The following RNF225 variants were observed in gnomAD, a reference collection of about 807,000 sequenced individuals.
RNF225 encodes the protein ring finger protein 225.
For missense variants in RNF225, 510 were observed against 509.8 expected, an observed-to-expected ratio of 1.00 and a Z score of 0.00; for synonymous variants, 295 against 260.4, an observed-to-expected ratio of 1.13 and a Z score of -1.28.
Position 58,397,033 on chromosome 19 carries a change from G to A in RNF225, c.944G>A (p.Trp315Ter). The A allele has an allele frequency of 6.5e-7, 1 of 1,530,978 alleles. No homozygotes were observed. The highest frequency in any genetic ancestry group is 8.7e-7 in the Non-Finnish European group (1 of 1,145,044). 94.8% of individuals were successfully genotyped at this position (1,530,978 alleles called of 1,614,324 possible). A position where few individuals can be genotyped will look rare whatever the true frequency, so the allele number is the denominator to read the frequency against. ...TGGGGCACAGAGGCTGGCCCCGGCT[G>A]GGCCCCGTGGCCACGGGGCGCGAGG... ...GTWGTEAGPG[W>*]APWPRGARRL... Residue 315 changes from tryptophan to a stop codon, truncating the protein, a stop_gained, in exon 1 of 1, where the codon TGG becomes TAG. Transcript: ENST00000601382. LOFTEE classifies it low-confidence loss of function (END_TRUNC).
Position 58,396,356 on chromosome 19 carries a change from C to T in RNF225, c.267C>T (p.Leu89=). 3 of 1,535,410 alleles carry T rather than the reference C, an allele frequency of 2.0e-6. No individual in the cohort carries two copies. The highest frequency in any genetic ancestry group is 2.6e-6 in the Non-Finnish European group (3 of 1,146,668). ...TGGACTGCGGCCACGTCTTCTGTCT[C>T]GAGTGCCTGGCGCGCCTATCGTTGG... ...KRLDCGHVFC[L]ECLARLSLAT... Residue 89 remains leucine, a synonymous_variant, in exon 1 of 1, where the codon CTC becomes CTT. Coordinates refer to ENST00000601382, the MANE Select transcript of RNF225 (RefSeq NM_001195135.2).
rs562404441 is a variant in RNF225, at chr19:58,396,127, G to A, written c.38G>A (p.Arg13Gln). The A allele has an allele frequency of 1.1e-5, 17 of 1,532,098 alleles. 1 individual carries two copies. In the East Asian group the frequency reaches 3.0e-4, roughly 27 times the overall value. The allele number at this position is 1,532,098 out of a possible 1,614,324, so 94.9% of individuals were successfully genotyped here. The change falls in exon 1 of 1, where the codon CGG becomes CAG. Residue 13 changes from arginine to glutamine, a missense_variant. Coordinates refer to ENST00000601382, the MANE Select transcript of RNF225 (RefSeq NM_001195135.2). The part of the protein sequence containing the change: ...CPRPFWLRHS[R>Q]APQGSGPSSP... ...CGGCCGTTCTGGCTCCGCCATTCCCGGGCCCCCCAGGGCTCGGGTCCCAGC... is the reference window on the plus strand; with the variant it reads ...CGGCCGTTCTGGCTCCGCCATTCCCAGGCCCCCCAGGGCTCGGGTCCCAGC...
Position 58,396,298 on chromosome 19 carries a change from C to T in RNF225, c.209C>T (p.Ser70Phe), listed in dbSNP as rs1342812391. ...SPVECLICVS[S>F]FDGVFKLPKR... ...GTGGAGTGCCTCATCTGCGTGTCGT[C>T]CTTCGACGGCGTGTTCAAGCTGCCC... Residue 70 changes from serine to phenylalanine, a missense_variant, in exon 1 of 1, where the codon TCC becomes TTC. Transcript: ENST00000601382. 4 of 1,535,886 alleles carry T rather than the reference C, an allele frequency of 2.6e-6. No homozygotes were observed. The Admixed American group carries it at 7.8e-5, about 30-fold the overall frequency.
Position 58,396,469 on chromosome 19 carries a change from C to G in RNF225, c.380C>G (p.Pro127Arg). 1 of 1,414,550 alleles carries G rather than the reference C, an allele frequency of 7.1e-7. No individual in the cohort carries two copies. The highest frequency in any genetic ancestry group is 9.2e-7 in the Non-Finnish European group (1 of 1,092,304). 87.6% of individuals were successfully genotyped at this position (1,414,550 alleles called of 1,614,324 possible). The change falls in exon 1 of 1, where the codon CCC becomes CGC. Residue 127 changes from proline (P) to arginine (R), a missense_variant. Transcript: ENST00000601382. Reference sequence around the variant, plus strand: ...CCCCGCCGCGGACTCCCCGCGTTGCCCACGCAGTCCGGTCTCCTGCCCCGC... The same window carrying G: ...CCCCGCCGCGGACTCCCCGCGTTGCGCACGCAGTCCGGTCTCCTGCCCCGC... ...LAPRRGLPAL[P>R]TQSGLLPRDA...
Position 58,396,594 on chromosome 19 carries a change from A to G in RNF225, c.505A>G (p.Lys169Glu). The change falls in exon 1 of 1, where the codon AAG becomes GAG. Residue 169 changes from lysine to glutamate, a missense_variant. By Grantham distance (56) the Lys-to-Glu change is moderately conservative (BLOSUM62 1). Transcript: ENST00000601382. The part of the protein sequence containing the change: ...RPPPPPPGPR[K>E]ARAPPPPPPL... ...GCCGCCGCCCCCGCCCGGGCCGCGC[A>G]AGGCCCGCGCCCCGCCGCCCCCGCC... is the stretch of plus-strand genomic sequence containing the variant. 1 of 1,101,998 alleles carries G rather than the reference A, an allele frequency of 9.1e-7. No individual in the cohort carries two copies. Among genetic ancestry groups the G allele is most frequent in the Non-Finnish European group, 1.1e-6 (1 of 908,664 alleles). The allele number at this position is 1,101,998 out of a possible 1,614,324, so 68.3% of individuals were successfully genotyped here.
Position 58,396,781 on chromosome 19 carries a change from C to A in RNF225, c.692C>A (p.Pro231His). 3 of 1,516,384 alleles carry A rather than the reference C, an allele frequency of 2.0e-6. No homozygotes were observed. Among genetic ancestry groups the A allele is most frequent in the Non-Finnish European group, 2.6e-6 (3 of 1,139,426 alleles). The allele number at this position is 1,516,384 out of a possible 1,614,324, so 93.9% of individuals were successfully genotyped here. The change falls in exon 1 of 1, where the codon CCC (proline) becomes CAC (histidine). Residue 231 changes from proline (P) to histidine (H), a missense_variant. Coordinates refer to ENST00000601382, the MANE Select transcript of RNF225 (RefSeq NM_001195135.2). ...ATCCCGCACGCCACCTCCTCCGGCCCCCCGCGGCCCCAGCTCGTGGCGCTC... is the reference window on the plus strand; with the variant it reads ...ATCCCGCACGCCACCTCCTCCGGCCACCCGCGGCCCCAGCTCGTGGCGCTC... ...FLIPHATSSGPPRPQLVALAP... is the reference protein window; with the variant it reads ...FLIPHATSSGHPRPQLVALAP...
chr19:58,396,549 G>A lies in RNF225; in HGVS notation c.460G>A (p.Gly154Ser). 3 of 1,160,766 alleles carry A rather than the reference G, an allele frequency of 2.6e-6. No homozygotes were observed. The highest frequency in any genetic ancestry group is 3.2e-6 in the Non-Finnish European group (3 of 944,686). 71.9% of individuals were successfully genotyped at this position (1,160,766 alleles called of 1,614,324 possible). A position where few individuals can be genotyped will look rare whatever the true frequency, so the allele number is the denominator to read the frequency against. ...QGSVRFDRRR[G>S]LLYLRPPPPP... The stretch of plus-strand genomic sequence containing the variant: ...CTCCGTGCGCTTCGACCGGCGCCGC[G>A]GCCTTCTCTACCTGCGGCCGCCGCC... The change falls in exon 1 of 1, where the codon GGC becomes AGC. Residue 154 changes from glycine to serine, a missense_variant. By Grantham distance (56) the Gly-to-Ser change is moderately conservative. Transcript: ENST00000601382.
chr19:58,396,309 G>T lies in RNF225; in HGVS notation c.220G>T (p.Val74Leu), dbSNP rs1278249967. 4.6e-6 allele frequency: 7 copies of T among 1,535,690 alleles called. No homozygotes were observed. The highest frequency in any genetic ancestry group is 6.1e-6 in the Non-Finnish European group (7 of 1,146,812). The part of the protein sequence containing the change: ...CLICVSSFDG[V>L]FKLPKRLDCG... ...CATCTGCGTGTCGTCCTTCGACGGC[G>T]TGTTCAAGCTGCCCAAGCGCCTGGA... is the stretch of plus-strand genomic sequence containing the variant. The change falls in exon 1 of 1, where the codon GTG becomes TTG. Residue 74 changes from valine to leucine, a missense_variant. Coordinates refer to ENST00000601382, the MANE Select transcript of RNF225 (RefSeq NM_001195135.2).
At position 58,396,526 on chromosome 19, in the gene RNF225, C is replaced by G; in HGVS notation, c.437C>G (p.Ser146Cys). The G allele has an allele frequency of 8.2e-7, 1 of 1,221,804 alleles. No individual in the cohort carries two copies. The highest frequency in any genetic ancestry group is 3.6e-5 in the East Asian group (1 of 27,532). 75.7% of individuals were successfully genotyped at this position (1,221,804 alleles called of 1,614,324 possible). Residue 146 changes from serine to cysteine, a missense_variant, in exon 1 of 1, where the codon TCC becomes TGC. Ser to Cys is a moderately radical substitution (Grantham distance 112). Transcript: ENST00000601382. ...DARAPPSRQG[S>C]VRFDRRRGLL... ...CGCGCACCGCCCTCTCGCCAGGGCT[C>G]CGTGCGCTTCGACCGGCGCCGCGGC...
In RNF225 at chr19:58,396,101, T is replaced by C; in HGVS notation, c.12T>C (p.Pro4=). 1 of 1,528,544 alleles carries C rather than the reference T, an allele frequency of 6.5e-7. No homozygotes were observed. The highest frequency in any genetic ancestry group is 8.7e-7 in the Non-Finnish European group (1 of 1,144,122). The allele number at this position is 1,528,544 out of a possible 1,614,324, so 94.7% of individuals were successfully genotyped here. ...CCAGGTCCATCCGGATGCCCTGCCC[T>C]CGGCCGTTCTGGCTCCGCCATTCCC... MPC[P]RPFWLRHSRA... Residue 4 remains proline (P), a synonymous_variant, in exon 1 of 1, where the codon CCT becomes CCC. Transcript: ENST00000601382.
At position 58,396,924 on chromosome 19, in the gene RNF225, G is replaced by A. The variant is rs532841155; in HGVS notation, c.835G>A (p.Ala279Thr). 1.7e-5 allele frequency: 26 copies of A among 1,534,148 alleles called. No homozygotes were observed. In the East Asian group the frequency reaches 2.0e-4, roughly 12 times the overall value. Residue 279 changes from alanine (A) to threonine (T), a missense_variant, in exon 1 of 1, where the codon GCA becomes ACA. Coordinates refer to ENST00000601382, the MANE Select transcript of RNF225 (RefSeq NM_001195135.2). ...CCTGGACACGGCCCTGCCAGGAACT[G>A]CAGAAGATGCGCTGGAGCCCGAGGC... is the stretch of plus-strand genomic sequence containing the variant. ...PDLDTALPGT[A>T]EDALEPEAGP... is the part of the protein sequence containing the mutation.
chr19:58,396,725 C>G lies in RNF225; in HGVS notation c.636C>G (p.Leu212=). 6.6e-7 allele frequency: 1 copy of G among 1,504,260 alleles called. No homozygotes were observed. The highest frequency in any genetic ancestry group is 8.8e-7 in the Non-Finnish European group (1 of 1,133,942). The allele number at this position is 1,504,260 out of a possible 1,614,324, so 93.2% of individuals were successfully genotyped here. Residue 212 remains leucine (L), a synonymous_variant, in exon 1 of 1, where the codon CTC becomes CTG. Transcript: ENST00000601382. The part of the protein sequence containing the change: ...VALAVLVAAG[L]VVSGVYIFFL... ...TGGCGGTGCTGGTGGCCGCGGGCCT[C>G]GTGGTCTCGGGCGTCTACATCTTCT... is the stretch of plus-strand genomic sequence containing the variant.
In RNF225 at chr19:58,396,764, C is replaced by T; in HGVS notation, c.675C>T (p.His225=). The T allele has an allele frequency of 4.6e-6, 7 of 1,514,718 alleles. No homozygotes were observed. The highest frequency in any genetic ancestry group is 6.1e-6 in the Non-Finnish European group (7 of 1,138,710). 93.8% of individuals were successfully genotyped at this position (1,514,718 alleles called of 1,614,324 possible). The change falls in exon 1 of 1, where the codon CAC becomes CAT. Residue 225 remains histidine, a synonymous_variant. Transcript: ENST00000601382. ...SGVYIFFLIP[H]ATSSGPPRPQ... is the part of the protein sequence containing the mutation. Reference sequence around the variant, plus strand: ...TCTACATCTTCTTCCTCATCCCGCACGCCACCTCCTCCGGCCCCCCGCGGC... The same window carrying T: ...TCTACATCTTCTTCCTCATCCCGCATGCCACCTCCTCCGGCCCCCCGCGGC...
chr19:58,396,419 G>A lies in RNF225; in HGVS notation c.330G>A (p.Val110=), dbSNP rs1489277219. The change falls in exon 1 of 1, where the codon GTG becomes GTA. Residue 110 remains valine, a synonymous_variant. Transcript: ENST00000601382. The stretch of plus-strand genomic sequence containing the variant: ...GCGGCAACGCGGTGGCCTGTCCGGT[G>A]TGCCGCGCGCCCACGCGCCTGGCCC... ...AGGGNAVACP[V]CRAPTRLAPR... 5 of 1,506,096 alleles carry A rather than the reference G, an allele frequency of 3.3e-6. No homozygotes were observed. The highest frequency in any genetic ancestry group is 1.4e-5 in the African/African-American group (1 of 69,834). The allele number at this position is 1,506,096 out of a possible 1,614,324, so 93.3% of individuals were successfully genotyped here. A position where few individuals can be genotyped will look rare whatever the true frequency, so the allele number is the denominator to read the frequency against.
At position 58,396,461 on chromosome 19, in the gene RNF225, C is replaced by G. The variant is rs1181760780; in HGVS notation, c.372C>G (p.Pro124=). Residue 124 remains proline, a synonymous_variant, in exon 1 of 1, where the codon CCC becomes CCG. Coordinates refer to ENST00000601382, the MANE Select transcript of RNF225 (RefSeq NM_001195135.2). ...GCCTGGCCCCCCGCCGCGGACTCCC[C>G]GCGTTGCCCACGCAGTCCGGTCTCC... is the stretch of plus-strand genomic sequence containing the variant. ...PTRLAPRRGL[P]ALPTQSGLLP... 2 of 1,416,828 alleles carry G rather than the reference C, an allele frequency of 1.4e-6. No homozygotes were observed. Among genetic ancestry groups the G allele is most frequent in the African/African-American group, 1.5e-5 (1 of 65,860 alleles). The allele number at this position is 1,416,828 out of a possible 1,614,324, so 87.8% of individuals were successfully genotyped here. A position where few individuals can be genotyped will look rare whatever the true frequency, so the allele number is the denominator to read the frequency against.
chr19:58,396,565 GGCC>G lies in RNF225; in HGVS notation c.486_488del (p.Pro165del), dbSNP rs2052401118. On this transcript the variant is annotated inframe_deletion, in exon 1 of 1. Transcript: ENST00000601382. ...CGGCGCCGCGGCCTTCTCTACCTGC[GGCC>G]GCCGCCGCCCCCGCCCGGGCCGCGC... 6.4e-6 allele frequency: 7 copies of G among 1,087,242 alleles called. No individual in the cohort carries two copies. The highest frequency in any genetic ancestry group is 6.7e-6 in the Non-Finnish European group (6 of 898,322). The allele number at this position is 1,087,242 out of a possible 1,614,324, so 67.3% of individuals were successfully genotyped here.
chr19:58,396,368 G>C lies in RNF225; in HGVS notation c.279G>C (p.Ala93=). ...ACGTCTTCTGTCTCGAGTGCCTGGCGCGCCTATCGTTGGCCACGGCGGGCG... is the reference window on the plus strand; with the variant it reads ...ACGTCTTCTGTCTCGAGTGCCTGGCCCGCCTATCGTTGGCCACGGCGGGCG... The part of the protein sequence containing the change: ...CGHVFCLECL[A]RLSLATAGGG... Residue 93 remains alanine (A), a synonymous_variant, in exon 1 of 1, where the codon GCG becomes GCC. Coordinates refer to ENST00000601382, the MANE Select transcript of RNF225 (RefSeq NM_001195135.2). 1 of 1,535,150 alleles carries C rather than the reference G, an allele frequency of 6.5e-7. No individual in the cohort carries two copies. Among genetic ancestry groups the C allele is most frequent in the Non-Finnish European group, 8.7e-7 (1 of 1,146,558 alleles).
Position 58,395,960 on chromosome 19 carries a change from T to C in RNF225, c.-130T>C, listed in dbSNP as rs896672902. The C allele has an allele frequency of 2.2e-6, 2 of 922,704 alleles. No individual in the cohort carries two copies. The highest frequency in any genetic ancestry group is 1.7e-5 in the African/African-American group (1 of 57,980). 57.2% of individuals were successfully genotyped at this position (922,704 alleles called of 1,614,324 possible). A position where few individuals can be genotyped will look rare whatever the true frequency, so the allele number is the denominator to read the frequency against. On this transcript the variant is annotated 5_prime_UTR_variant, in exon 1 of 1. Transcript: ENST00000601382. ...CTACACCCTTCTCGGGATGGGGTGC[T>C]CTGTACTGGGGGATCCTCTCTAAAG...
Position 58,396,103 on chromosome 19 carries a change from G to GGC in RNF225, c.15_16dup (p.Pro6ArgfsTer?). Reference sequence around the variant, plus strand: ...AGGTCCATCCGGATGCCCTGCCCTCGGCCGTTCTGGCTCCGCCATTCCCGG... The same window carrying GGC: ...AGGTCCATCCGGATGCCCTGCCCTCGGCGCCGTTCTGGCTCCGCCATTCCCGG... On this transcript the variant is annotated frameshift_variant, in exon 1 of 1. Transcript: ENST00000601382. LOFTEE classifies it low-confidence loss of function (END_TRUNC). 4 of 1,529,196 alleles carry GGC rather than the reference G, an allele frequency of 2.6e-6. No homozygotes were observed. Among genetic ancestry groups the GGC allele is most frequent in the Non-Finnish European group, 3.5e-6 (4 of 1,144,460 alleles). The allele number at this position is 1,529,196 out of a possible 1,614,324, so 94.7% of individuals were successfully genotyped here. A position where few individuals can be genotyped will look rare whatever the true frequency, so the allele number is the denominator to read the frequency against.
Sources: allele counts gnomAD v4.1 joint callset, GRCh38; gene constraint gnomAD v4.1.1; transcripts MANE v1.5; gene names NCBI Gene and HGNC (gene_info 2026-07-23, HGNC 2026-07-21).